The following XXYLT1 variants were observed in gnomAD, a reference collection of about 807,000 sequenced individuals.
The protein encoded by XXYLT1 is UDP-xylose:alpha-xyloside alpha-1,3-xylosyltransferase.
XXYLT1 carries 20 observed loss-of-function variants against 28.9 expected under a neutral mutation model. The ratio of observed to expected loss-of-function variants is 0.69; its 90% CI spans 0.49 to 1.00. The LOEUF (loss-of-function observed/expected upper bound fraction) is 1.00, where lower values mean the gene tolerates loss of function less well. Ranked by LOEUF, XXYLT1 falls within the 50% of genes least tolerant of loss-of-function variation. XXYLT1 has a pLI of 0.00. For synonymous variants in XXYLT1, 257 were observed against 253.8 expected, an observed-to-expected ratio of 1.01 and a Z score of -0.12; for missense variants, 542 against 560.1, an observed-to-expected ratio of 0.97 and a Z score of 0.33.
At chr3:195,177,596 C>T (rs994976459) in intron 2 of XXYLT1, among the ~76,000 whole-genome samples, 10 of 151,924 alleles carry the variant, frequency 6.6e-5, no homozygotes, top group African/African-American at 1.7e-4. Flanking sequence ...CACACAAGTT[C>T]GTGGCCATGA....
chr3:195,259,568 C>T (rs773598719), intron 1 of XXYLT1: 4 of 985,346 alleles, frequency 4.1e-6, no homozygotes, highest in Non-Finnish European at 4.8e-6. Context: ...AGAGGCCTCC[C>T]GCCCCAGGTA....
At chr3:195,110,257 G>GTA (rs1717488437) in intron 3 of XXYLT1, among the ~76,000 whole-genome samples, 4 of 17,512 alleles carry the variant, frequency 2.3e-4, no homozygotes, top group African/African-American at 2.9e-4. Flanking sequence ...TGGGTGAAGT[G>GTA]TGTGTGGGTG....
intron 3 of XXYLT1, among the ~76,000 whole-genome samples, chr3:195,082,212 G>A (rs900098402): frequency 3.9e-5 from 6 of 152,184 alleles, no homozygotes; most frequent in South Asian, 2.1e-4. Context: ...GGTGGCGGGC[G>A]CGTAAGGCAA....
Position 195,176,548 on chromosome 3 carries a change from T to C in XXYLT1, c.653-19967A>G, listed in dbSNP as rs1169072700. Among the ~76,000 whole-genome samples the C allele has an allele frequency of 6.6e-6, 1 of 152,190 alleles. No individual in the cohort carries two copies. Among genetic ancestry groups the C allele is most frequent in the Non-Finnish European group, 1.5e-5 (1 of 68,044 alleles). ...GTGCGCCATCAGTACGTTCCACCCC[T>C]CTGACACACTGGTATAATTTGATTA... On this transcript the variant is annotated intron_variant, in intron 2 of 3. Transcript: ENST00000310380. The surrounding 1 kb of genome is among the most constrained non-coding windows in gnomAD (Gnocchi z 4.9).
chr3:195,256,459 C>T lies in XXYLT1; in HGVS notation c.504+14096G>A, dbSNP rs1181725276. 2.0e-6 allele frequency: 2 copies of T among 984,968 alleles called. No individual in the cohort carries two copies. The highest frequency in any genetic ancestry group is 3.5e-5 in the African/African-American group (2 of 57,232). The allele number at this position is 984,968 out of a possible 1,614,324, so 61.0% of individuals were successfully genotyped here. ...ACAGGGCAGGGCCCGAGAAACGAAC[C>T]AGTACCTCCCAGAGGACGGAAGGGA... On this transcript the variant is annotated intron_variant, in intron 1 of 3. Transcript: ENST00000310380. This position sits in a 1 kb window ranked among gnomAD's most constrained non-coding sequence, Gnocchi z 4.2.
rs564791464 is a variant in XXYLT1 at position 195,233,168 on chromosome 3, CTGATA to C, written c.505-6317_505-6313del. Among the ~76,000 whole-genome samples, 797 of 152,134 alleles carry C rather than the reference CTGATA, an allele frequency of 5.2e-3. 5 individuals are homozygous for C. The highest frequency in any genetic ancestry group is 9.2e-3 in the Non-Finnish European group (623 of 67,974). On this transcript the variant is annotated intron_variant, in intron 1 of 3. Coordinates refer to ENST00000310380, the MANE Select transcript of XXYLT1 (RefSeq NM_152531.5). ...TATTTTTTTCTTGAAATCGATTTAT[CTGATA>C]TAAGTATAGCTACTTCTGCTCCTTT...
At chr3:195,174,118 C>T (rs1721543583) in intron 2 of XXYLT1, among the ~76,000 whole-genome samples, 1 of 152,148 alleles carries the variant, frequency 6.6e-6, no homozygotes, top group African/African-American at 2.4e-5. Context: ...TCATATAAGC[C>T]AGCCTCCTGC....
chr3:195,114,395 G>T (rs1404286589), intron 3 of XXYLT1, among the ~76,000 whole-genome samples: 2 of 152,164 alleles, frequency 1.3e-5, no homozygotes, highest in African/African-American at 4.8e-5. Context: ...TTCCACCTGC[G>T]TTGAGCTTCT....
intron 1 of XXYLT1, among the ~76,000 whole-genome samples, chr3:195,242,194 G>C (rs1484299519): frequency 6.6e-6 from 1 of 152,200 alleles, no homozygotes; most frequent in Non-Finnish European, 1.5e-5. Flanking sequence ...CCTGGGAACT[G>C]AGCAGTTCCT....
chr3:195,179,114 G>A (rs1721817207), intron 2 of XXYLT1, among the ~76,000 whole-genome samples: 1 of 152,026 alleles, frequency 6.6e-6, no homozygotes, highest in Non-Finnish European at 1.5e-5. Context: ...GGCCGAGGCG[G>A]GCGGATCATG....
intron 1 of XXYLT1, among the ~76,000 whole-genome samples, chr3:195,262,381 A>G (rs1725723022): frequency 6.6e-6 from 1 of 152,238 alleles, no homozygotes; most frequent in Non-Finnish European, 1.5e-5. Context: ...TGAGGTGACA[A>G]GTGTTCTAGA....
intron 3 of XXYLT1, among the ~76,000 whole-genome samples, chr3:195,082,542 A>T (rs1715492471): frequency 6.6e-6 from 1 of 152,130 alleles, no homozygotes; most frequent in African/African-American, 2.4e-5. Context: ...CAGGAAGAAA[A>T]AGTGAGGAAC....
intron 1 of XXYLT1, among the ~76,000 whole-genome samples, chr3:195,265,061 CA>C (rs796185827): frequency 2.8e-3 from 382 of 138,306 alleles, no homozygotes; most frequent in Middle Eastern, 7.4e-3. Context: ...AACCCTATCT[CA>C]AAAAAAAAAA....
At position 195,180,596 on chromosome 3, in the gene XXYLT1, T is replaced by A; in HGVS notation, c.653-24015A>T. On this transcript the variant is annotated intron_variant, in intron 2 of 3. Transcript: ENST00000310380. This position sits in a 1 kb window ranked among gnomAD's most constrained non-coding sequence, Gnocchi z 5.8. ...GCCCTTCCCAGCCCTCTCCAGAGCG[T>A]GATGTGGCCCCGTCTGGCTAAGAGC... The A allele has an allele frequency of 1.0e-6, 1 of 978,428 alleles. No individual in the cohort carries two copies. Among genetic ancestry groups the A allele is most frequent in the Non-Finnish European group, 1.2e-6 (1 of 823,610 alleles). The allele number at this position is 978,428 out of a possible 1,614,324, so 60.6% of individuals were successfully genotyped here.
At chr3:195,270,134 G>A (rs935449053) in intron 1 of XXYLT1, 4 of 391,296 alleles carry the variant, frequency 1.0e-5, no homozygotes, top group African/African-American at 2.1e-5. Context: ...CACTTCCAGA[G>A]GCCTCACCAA....
rs1356462112 is a variant in XXYLT1 at position 195,257,344 on chromosome 3, T to G, written c.504+13211A>C. Among the ~76,000 whole-genome samples, 1 of 152,148 alleles carries G rather than the reference T, an allele frequency of 6.6e-6. No individual in the cohort carries two copies. Among genetic ancestry groups the G allele is most frequent in the Non-Finnish European group, 1.5e-5 (1 of 68,020 alleles). On this transcript the variant is annotated intron_variant, in intron 1 of 3. Coordinates refer to ENST00000310380, the MANE Select transcript of XXYLT1 (RefSeq NM_152531.5). This position sits in a 1 kb window ranked among gnomAD's most constrained non-coding sequence, Gnocchi z 4.3. ...CACAGAATGAAATAAGACACAGTGC[T>G]CATCCCCCAGCAGCTGGCAGAAGGG...
At chr3:195,095,967 G>A (rs915129835) in intron 3 of XXYLT1, 1 of 152,182 alleles carries the variant, frequency 6.6e-6, no homozygotes, top group African/African-American at 2.4e-5. Flanking sequence ...TTGTTTCCGG[G>A]GAGAGGCCAG....
In XXYLT1 at chr3:195,210,079, G is replaced by A. The variant is rs1462982858; in HGVS notation, c.652+16630C>T. Reference sequence around the variant, plus strand: ...CAGCTGCAGTCCAGGCTGAGGCCCCGGCCGCCCGCACACCCTGGCCCAGAA... The same window carrying A: ...CAGCTGCAGTCCAGGCTGAGGCCCCAGCCGCCCGCACACCCTGGCCCAGAA... On this transcript the variant is annotated intron_variant, in intron 2 of 3. Coordinates refer to ENST00000310380, the MANE Select transcript of XXYLT1 (RefSeq NM_152531.5). This position sits in a 1 kb window ranked among gnomAD's most constrained non-coding sequence, Gnocchi z 4.8. 1.3e-5 allele frequency among the ~76,000 whole-genome samples: 2 copies of A among 148,974 alleles called. No homozygotes were observed. Among genetic ancestry groups the A allele is most frequent in the Non-Finnish European group, 2.9e-5 (2 of 68,010 alleles).
At chr3:195,082,141 G>T (rs1167080768) in intron 3 of XXYLT1, among the ~76,000 whole-genome samples, 4 of 152,252 alleles carry the variant, frequency 2.6e-5, no homozygotes, top group Non-Finnish European at 5.9e-5. Flanking sequence ...GATGGATCCA[G>T]TGTGGGGCAT....
Sources: gnomAD v4.1 joint callset for allele counts (sites outside exome capture counted in the v4.1 genomes callset) on GRCh38, gnomAD v4.1.1 for gene constraint, Gnocchi (gnomAD v3.1) non-coding constraint, MANE v1.5 for transcripts, NCBI Gene and HGNC (gene_info 2026-07-23, HGNC 2026-07-21) for gene names.